DICER1: variants seen among roughly 807,000 people sequenced by gnomAD.
The protein encoded by DICER1 is endoribonuclease Dicer.
A neutral mutation model predicts 194.1 loss-of-function variants in DICER1; 43 were observed. The observed-to-expected ratio is 0.22, with a 90% CI of 0.17 to 0.29. The LOEUF (loss-of-function observed/expected upper bound fraction) is 0.29. Among genes scored for constraint, DICER1 ranks in the 10% least tolerant of loss-of-function variants. DICER1 has a pLI of 1.00. For missense variants in DICER1, 1,608 were observed against 2,317.0 expected (o/e 0.69, Z 6.28); for synonymous variants, 832 against 820.5 (o/e 1.01, Z -0.24).
rs543266742 is a variant in DICER1, at chr14:95,131,705, T to C, written c.308-66A>G. The C allele has an allele frequency of 2.9e-5, 40 of 1,362,452 alleles. No individual in the cohort carries two copies. In the South Asian group the frequency reaches 4.3e-4, roughly 15 times the overall value. The allele number at this position is 1,362,452 out of a possible 1,614,324, so 84.4% of individuals were successfully genotyped here. A position where few individuals can be genotyped will look rare whatever the true frequency, so the allele number is the denominator to read the frequency against. ...TTGCCTAGTTGGCTCTCTGGACTAC[T>C]AATGATTAACAGTCTACAGAAATCC... is the stretch of plus-strand genomic sequence containing the variant. On this transcript the variant is annotated intron_variant, in intron 3 of 26. Transcript: ENST00000343455.
intron 6 of DICER1, 148 bp downstream of exon 6, chr14:95,129,324 T>G: frequency 1.4e-6 from 1 of 704,022 alleles, no homozygotes; most frequent in East Asian, 2.6e-5. Flanking sequence ...TAATGGTACT[T>G]ATAGAGAATT....
At position 95,096,013 on chromosome 14, in the gene DICER1, T is replaced by C; in HGVS notation, c.4907A>G (p.Asp1636Gly). The change falls in exon 23 of 27, where the codon GAC (aspartate) becomes GGC (glycine). Residue 1636 changes from aspartate (D) to glycine (G), a missense_variant. By Grantham distance (94) the Asp-to-Gly change is moderately conservative. Around this residue, in one of 10 missense-constraint regions of DICER1, gnomAD observed 125 missense variants for 134.9 expected, o/e 0.93. Transcript: ENST00000343455. ...AATCTTCAAACAACCATATTCCGAG[T>C]CTTTCAATACAGAAGAGCGTGAACT... is the stretch of plus-strand genomic sequence containing the variant. ...VASSRSSVLK[D>G]SEYGCLKIPP... 1 of 1,614,180 alleles carries C rather than the reference T, an allele frequency of 6.2e-7. No individual in the cohort carries two copies. Among genetic ancestry groups the C allele is most frequent in the South Asian group, 1.1e-5 (1 of 91,082 alleles).
At chr14:95,126,050 T>C (rs534142599) in intron 7 of DICER1, among the ~76,000 whole-genome samples, 1 of 150,554 alleles carries the variant, frequency 6.6e-6, no homozygotes, top group African/African-American at 2.5e-5. Context: ...ATGAATCAGA[T>C]TACTGGAGGG....
intron 22 of DICER1, among the ~76,000 whole-genome samples, chr14:95,099,132 CCAGT>C (rs1890628097): frequency 6.6e-6 from 1 of 152,140 alleles, no homozygotes; most frequent in Non-Finnish European, 1.5e-5. Flanking sequence ...TAGAACTCTC[CCAGT>C]CAACCACCAC....
At chr14:95,131,429 A>G (rs1265312281) in intron 4 of DICER1, 80 bp downstream of exon 4, 1 of 1,401,374 alleles carries the variant, frequency 7.1e-7, no homozygotes, top group Non-Finnish European at 1.0e-6. Context: ...AAATCAGACA[A>G]CCAAGGCTAC....
chr14:95,107,253 ATT>A (rs111794316), intron 17 of DICER1, among the ~76,000 whole-genome samples: 5 of 143,028 alleles, frequency 3.5e-5, no homozygotes, highest in Non-Finnish European at 1.5e-5. Flanking sequence ...GAATAAGTGA[ATT>A]TTTTTTTTTT....
At chr14:95,099,711 G>A (rs969737793) in intron 22 of DICER1, 69 bp downstream of exon 22, 42 of 1,542,012 alleles carry the variant, frequency 2.7e-5, no homozygotes, top group African/African-American at 8.5e-5. Context: ...TTGGCTCACC[G>A]AAAAGTAAAT....
intron 1 of DICER1, among the ~76,000 whole-genome samples, chr14:95,144,437 T>C (rs1023195066): frequency 1.3e-5 from 2 of 152,118 alleles, no homozygotes; most frequent in African/African-American, 2.4e-5. Context: ...TACTTGCCTG[T>C]AAAACAGAAA....
chr14:95,124,173 A>C lies in DICER1; in HGVS notation c.1376+23T>G. ...AGGACGCCTCCCTGTTCTCATGTGAAAGGAGTCAACTTACAGATTTACCTG... is the reference window on the plus strand; with the variant it reads ...AGGACGCCTCCCTGTTCTCATGTGACAGGAGTCAACTTACAGATTTACCTG... On this transcript the variant is annotated intron_variant, in intron 8 of 26. Coordinates refer to ENST00000343455, the MANE Select transcript of DICER1 (RefSeq NM_177438.3). This position sits in a 1 kb window ranked among gnomAD's most constrained non-coding sequence, Gnocchi z 4.5. The C allele has an allele frequency of 6.4e-7, 1 of 1,568,432 alleles. No homozygotes were observed. Among genetic ancestry groups the C allele is most frequent in the Non-Finnish European group, 8.8e-7 (1 of 1,140,086 alleles).
At chr14:95,096,832 G>A in intron 22 of DICER1, 119 bp from the exon 23 acceptor site, 1 of 1,200,184 alleles carries the variant, frequency 8.3e-7, no homozygotes, top group South Asian at 1.8e-5. Flanking sequence ...AATACTAAAA[G>A]GCAACTTTAA....
intron 22 of DICER1, among the ~76,000 whole-genome samples, chr14:95,097,777 C>A (rs1890493738): frequency 6.6e-6 from 1 of 152,110 alleles, no homozygotes; most frequent in Non-Finnish European, 1.5e-5. Context: ...GATATAAACA[C>A]TACATTTGTC....
rs542537634 is a variant in DICER1 at position 95,127,482 on chromosome 14, T to C, written c.735-734A>G. On this transcript the variant is annotated intron_variant, in intron 6 of 26. Coordinates refer to ENST00000343455, the MANE Select transcript of DICER1 (RefSeq NM_177438.3). ...TATAAAAAATGAAGTATCTTGAGGA[T>C]GGGACCCAAGTCTAAACATGAAATT... 4.5e-3 allele frequency among the ~76,000 whole-genome samples: 684 copies of C among 151,496 alleles called. 8 individuals carry two copies. Among genetic ancestry groups the C allele is most frequent in the African/African-American group, 0.015 (592 of 40,744 alleles).
At chr14:95,152,691 G>A (rs1404847744) in intron 1 of DICER1, among the ~76,000 whole-genome samples, 2 of 152,208 alleles carry the variant, frequency 1.3e-5, no homozygotes, top group Admixed American at 6.5e-5. Context: ...TATTTAAAAT[G>A]CATATTGAGG....
In DICER1 at chr14:95,107,905, T is replaced by C. The variant is rs1555370754; in HGVS notation, c.2625A>G (p.Ala875=). The change falls in exon 16 of 27, where the codon GCA becomes GCG. Residue 875 remains alanine (A), a synonymous_variant. Transcript: ENST00000343455. The part of the protein sequence containing the change: ...LEFKPTDADS[A]YCVLPLNVVN... ...CAACATTAAGAGGTAGAACACAGTA[T>C]GCTGAATCAGCGTCTGTAGGTTTAA... 1.2e-6 allele frequency: 2 copies of C among 1,614,052 alleles called. No individual in the cohort carries two copies. The highest frequency in any genetic ancestry group is 1.6e-4 in the Middle Eastern group (1 of 6,062).
chr14:95,131,668 A>G, intron 3 of DICER1, 29 bp from the exon 4 acceptor site: 1 of 1,609,658 alleles, frequency 6.2e-7, no homozygotes, highest in Middle Eastern at 1.7e-4. Flanking sequence ...CTCCATGTAA[A>G]TATGAGAAAT....
intron 1 of DICER1, among the ~76,000 whole-genome samples, chr14:95,156,968 GT>G (rs1895925874): frequency 6.6e-6 from 1 of 152,146 alleles, no homozygotes; most frequent in Non-Finnish European, 1.5e-5. Context: ...GGCCCGGAAA[GT>G]CTCCCAGGGC....
intron 11 of DICER1, among the ~76,000 whole-genome samples, chr14:95,115,187 G>A (rs1892326975): frequency 6.6e-6 from 1 of 152,188 alleles, no homozygotes; most frequent in African/African-American, 2.4e-5. Flanking sequence ...TCTCTGAATA[G>A]AAATTATCCT....
rs1283442143 is a variant in DICER1, at chr14:95,086,762, A to AT, written c.*3735dup. 1 of 232,630 alleles carries AT rather than the reference A, an allele frequency of 4.3e-6. No individual in the cohort carries two copies. The highest frequency in any genetic ancestry group is 8.5e-6 in the Non-Finnish European group (1 of 117,732). 14.4% of individuals were successfully genotyped at this position (232,630 alleles called of 1,614,324 possible). On this transcript the variant is annotated 3_prime_UTR_variant, in exon 27 of 27. Coordinates refer to ENST00000343455, the MANE Select transcript of DICER1 (RefSeq NM_177438.3). Reference sequence around the variant, plus strand: ...CATTTTAATAGTCTTGGTCTTAAACATATCTTTAAAACTTTTCATGTACAA... The same window carrying AT: ...CATTTTAATAGTCTTGGTCTTAAACATTATCTTTAAAACTTTTCATGTACAA...
intron 4 of DICER1, 25 bp from the exon 5 acceptor site, chr14:95,130,217 A>G: frequency 6.2e-7 from 1 of 1,607,790 alleles, no homozygotes; most frequent in Non-Finnish European, 8.5e-7. Flanking sequence ...ACATCAGTAA[A>G]CAAACATAGC....
Sources: allele counts gnomAD v4.1 joint callset (sites outside exome capture counted in the v4.1 genomes callset), GRCh38; gene constraint gnomAD v4.1.1; regional missense constraint gnomAD v4.1.1; non-coding constraint Gnocchi (gnomAD v3.1); transcripts MANE v1.5; gene names NCBI Gene and HGNC (gene_info 2026-07-23, HGNC 2026-07-21).